Variants in RYR2 observed in about 807,000 individuals in gnomAD.
The protein encoded by RYR2 is ryanodine receptor 2.
In RYR2, 227 loss-of-function variants were observed where a neutral mutation model predicts 601.1. The observed-to-expected ratio is 0.38, with a 90% confidence interval of 0.34 to 0.42. The LOEUF is 0.42. Among genes scored for constraint, RYR2 ranks in the 10% least tolerant of loss-of-function variants. The pLI is 1.00. For missense variants in RYR2, 4,646 were observed against 6,156.5 expected (o/e 0.75, Z 8.21); for synonymous variants, 2,223 against 2,175.1 (o/e 1.02, Z -0.61).
At chr1:237,415,838 T>C (rs1704924754) in intron 10 of RYR2, among the ~76,000 whole-genome samples, 1 of 152,158 alleles carries the variant, frequency 6.6e-6, no homozygotes, top group South Asian at 2.1e-4. Context: ...GACTAGATAT[T>C]TCATAATATC....
intron 3 of RYR2, 113 bp from the exon 4 acceptor site, chr1:237,355,852 A>G: frequency 1.2e-6 from 1 of 840,632 alleles, no homozygotes; most frequent in South Asian, 1.6e-5. Flanking sequence ...TAGAATTGGA[A>G]GTAGATTGTG....
At chr1:237,312,153 G>C (rs930489152) in intron 2 of RYR2, among the ~76,000 whole-genome samples, 1 of 152,148 alleles carries the variant, frequency 6.6e-6, no homozygotes, top group African/African-American at 2.4e-5. Context: ...GGATTTGGGG[G>C]AGGTGGTTAT....
At chr1:237,654,246 T>C in intron 51 of RYR2, 28 bp from the exon 52 acceptor site, 7 of 1,610,278 alleles carry the variant, frequency 4.3e-6, no homozygotes, top group Non-Finnish European at 5.9e-6. Flanking sequence ...TGATAGCTCA[T>C]TGCTTTTATA....
chr1:237,206,359 G>A (rs946121289), intron 1 of RYR2, among the ~76,000 whole-genome samples: 2 of 152,168 alleles, frequency 1.3e-5, no homozygotes, highest in Non-Finnish European at 2.9e-5. Context: ...TTTATCTCTT[G>A]TTACTTTAGG....
At chr1:237,747,574 T>C (rs1434246816) in intron 80 of RYR2, among the ~76,000 whole-genome samples, 1 of 152,198 alleles carries the variant, frequency 6.6e-6, no homozygotes, top group Non-Finnish European at 1.5e-5. Flanking sequence ...AAAGTTTTTG[T>C]CTGACCCGCC....
chr1:237,701,871 G>C (rs1313879702), intron 65 of RYR2, 107 bp from the exon 66 acceptor site: 1 of 591,150 alleles, frequency 1.7e-6, no homozygotes, highest in South Asian at 2.4e-5. Context: ...TCTTTTTATG[G>C]ATGAATAGTA....
intron 1 of RYR2, among the ~76,000 whole-genome samples, chr1:237,070,884 G>C (rs1461284045): frequency 6.6e-6 from 1 of 152,260 alleles, no homozygotes; most frequent in East Asian, 1.9e-4. Flanking sequence ...GAGATGCCAG[G>C]AACTGCAGAG....
chr1:237,801,928 T>A lies in RYR2; in HGVS notation c.14151+12T>A, dbSNP rs2149419743. 1 of 1,547,708 alleles carries A rather than the reference T, an allele frequency of 6.5e-7. No individual in the cohort carries two copies. The highest frequency in any genetic ancestry group is 8.9e-7 in the Non-Finnish European group (1 of 1,121,542). The stretch of plus-strand genomic sequence containing the variant: ...TTTTCACTGACAACGTAAGCCTACT[T>A]CATTATCACAAAAGAAAATGCACTC... On this transcript the variant is annotated intron_variant, in intron 98 of 104. Coordinates refer to ENST00000366574, the MANE Select transcript of RYR2 (RefSeq NM_001035.3).
At chr1:237,238,124 C>A (rs1685782912) in intron 1 of RYR2, among the ~76,000 whole-genome samples, 1 of 151,386 alleles carries the variant, frequency 6.6e-6, no homozygotes, top group African/African-American at 2.4e-5. Flanking sequence ...AGCTACCACA[C>A]CTGGCTAATT....
intron 27 of RYR2, among the ~76,000 whole-genome samples, chr1:237,553,576 T>G (rs1670608497): frequency 6.6e-6 from 1 of 151,954 alleles, no homozygotes; most frequent in Non-Finnish European, 1.5e-5. Flanking sequence ...AGATTCAACT[T>G]GTTAATTTGA....
chr1:237,149,088 C>A (rs1277395418), intron 1 of RYR2, among the ~76,000 whole-genome samples: 1 of 152,050 alleles, frequency 6.6e-6, no homozygotes, highest in African/African-American at 2.4e-5. Context: ...TTCAGAGAGT[C>A]AAATGTATTG....
At chr1:237,830,464 C>T (rs1663646773) in intron 102 of RYR2, 66 bp from the exon 103 acceptor site, 6 of 931,532 alleles carry the variant, frequency 6.4e-6, no homozygotes, top group African/African-American at 1.6e-5. Flanking sequence ...CCCTACATGG[C>T]GAGTTGTGTT....
chr1:237,228,984 C>T (rs1354474557), intron 1 of RYR2, among the ~76,000 whole-genome samples: 2 of 152,126 alleles, frequency 1.3e-5, no homozygotes, highest in African/African-American at 4.8e-5. Flanking sequence ...GAAGTATCCC[C>T]TATCATTGCT....
At chr1:237,700,514 C>T (rs535643849) in intron 65 of RYR2, 47 bp downstream of exon 65, 3 of 896,354 alleles carry the variant, frequency 3.3e-6, no homozygotes, top group African/African-American at 1.7e-5. Flanking sequence ...AATCGAAATA[C>T]CCTGTAGTAC....
At chr1:237,461,999 T>C (rs1170321487) in intron 16 of RYR2, among the ~76,000 whole-genome samples, 1 of 152,194 alleles carries the variant, frequency 6.6e-6, no homozygotes, top group African/African-American at 2.4e-5. Context: ...ATTGAATTCA[T>C]TGTAATCATA....
chr1:237,286,764 A>T (rs1000995667), intron 2 of RYR2, among the ~76,000 whole-genome samples: 1 of 151,680 alleles, frequency 6.6e-6, no homozygotes, highest in African/African-American at 2.4e-5. Context: ...CTGTGGTTCT[A>T]TATCTTTTGA....
chr1:237,679,170 T>C (rs1420422371), intron 61 of RYR2, among the ~76,000 whole-genome samples: 1 of 152,216 alleles, frequency 6.6e-6, no homozygotes, highest in Non-Finnish European at 1.5e-5. Context: ...GAGATTGTAA[T>C]CTTTCTTGAT....
chr1:237,543,640 A>T (rs1364894846), intron 25 of RYR2, among the ~76,000 whole-genome samples: 1 of 152,220 alleles, frequency 6.6e-6, no homozygotes, highest in East Asian at 1.9e-4. Context: ...ATCTTTCACA[A>T]TATAATGATT....
chr1:237,297,499 C>T (rs184088664), intron 2 of RYR2, among the ~76,000 whole-genome samples: 8 of 152,208 alleles, frequency 5.3e-5, no homozygotes, highest in Admixed American at 4.6e-4. Flanking sequence ...ACCTTTAGAA[C>T]TCAGGAACAA....
Sources: allele counts gnomAD v4.1 joint callset (sites outside exome capture counted in the v4.1 genomes callset), GRCh38; gene constraint gnomAD v4.1.1; transcripts MANE v1.5; gene names NCBI Gene and HGNC (gene_info 2026-07-23, HGNC 2026-07-21).